The following DNER variants were observed in gnomAD, a reference collection of about 807,000 sequenced individuals.
DNER encodes delta and Notch-like epidermal growth factor-related receptor.
DNER carries 33 observed loss-of-function variants against 78.2 expected under a neutral mutation model. That is an observed-to-expected ratio of 0.42 (90% CI 0.32 to 0.56). DNER has a LOEUF of 0.56. Among genes scored for constraint, DNER ranks in the 20% least tolerant of loss-of-function variants. The pLI, the probability that DNER is intolerant of heterozygous loss-of-function variation, is 0.11. For synonymous variants in DNER, 417 were observed against 384.8 expected, an observed-to-expected ratio of 1.08 and a Z score of -0.98; for missense variants, 918 against 975.3, an observed-to-expected ratio of 0.94 and a Z score of 0.78.
intron 1 of DNER, among the ~76,000 whole-genome samples, chr2:229,599,246 G>C (rs1361225406): frequency 5.3e-5 from 8 of 152,172 alleles, no homozygotes; most frequent in Admixed American, 3.3e-4. Flanking sequence ...GTATTAAGAA[G>C]GAAGTAAAGT....
In DNER at chr2:229,447,286, G is replaced by A. The variant is rs764234403; in HGVS notation, c.1486+30C>T. ...GAGATTGGTTTGAGATTGAGAAAAGGAAGATGTACTGTGTAGGGGCGGTAC... is the reference window on the plus strand; with the variant it reads ...GAGATTGGTTTGAGATTGAGAAAAGAAAGATGTACTGTGTAGGGGCGGTAC... On this transcript the variant is annotated intron_variant, in intron 8 of 12. Transcript: ENST00000341772. 9.7e-6 allele frequency: 15 copies of A among 1,543,422 alleles called. No homozygotes were observed. The South Asian group carries it at 1.7e-4, about 17-fold the overall frequency.
At chr2:229,640,745 A>G (rs892878673) in intron 1 of DNER, among the ~76,000 whole-genome samples, 1 of 152,234 alleles carries the variant, frequency 6.6e-6, no homozygotes, top group Non-Finnish European at 1.5e-5. Flanking sequence ...ATTGCTGGAC[A>G]GTGTGCTGAG....
At chr2:229,373,959 A>G (rs1214873557) in intron 11 of DNER, among the ~76,000 whole-genome samples, 2 of 152,174 alleles carry the variant, frequency 1.3e-5, no homozygotes, top group African/African-American at 4.8e-5. Context: ...TGATCTTAGG[A>G]GTTCCAGACC....
At chr2:229,366,750 G>C in intron 12 of DNER, 123 bp downstream of exon 12, 1 of 1,437,950 alleles carries the variant, frequency 7.0e-7, no homozygotes, top group Non-Finnish European at 9.4e-7. Flanking sequence ...ATACAATGTG[G>C]AACCTATTTT....
intron 5 of DNER, among the ~76,000 whole-genome samples, chr2:229,522,798 G>A (rs1280253192): frequency 2.0e-5 from 3 of 152,232 alleles, no homozygotes; most frequent in Admixed American, 2.0e-4. Flanking sequence ...GGACGGAACA[G>A]AGGACAAAGC....
intron 1 of DNER, among the ~76,000 whole-genome samples, chr2:229,593,234 G>T (rs1292556663): frequency 1.3e-5 from 2 of 151,320 alleles, no homozygotes; most frequent in African/African-American, 4.9e-5. Flanking sequence ...TTTTGGTCAG[G>T]CCCCTTCCTC....
chr2:229,396,765 A>G (rs1186512322), intron 10 of DNER, among the ~76,000 whole-genome samples: 1 of 152,228 alleles, frequency 6.6e-6, no homozygotes, highest in East Asian at 1.9e-4. Context: ...GGCTGAACCA[A>G]CCTCAGATGT....
At chr2:229,673,421 C>T (rs1250391030) in intron 1 of DNER, among the ~76,000 whole-genome samples, 2 of 152,168 alleles carry the variant, frequency 1.3e-5, no homozygotes, top group East Asian at 3.8e-4. Context: ...TTGGACTTGC[C>T]CTCCTGGGGA....
intron 8 of DNER, among the ~76,000 whole-genome samples, chr2:229,432,626 G>A (rs1342777285): frequency 6.6e-6 from 1 of 152,092 alleles, no homozygotes; most frequent in African/African-American, 2.4e-5. Context: ...CATCACACTT[G>A]GGTCTCAGTG....
At chr2:229,374,261 G>GA (rs398081138) in intron 11 of DNER, among the ~76,000 whole-genome samples, 1 of 151,842 alleles carries the variant, frequency 6.6e-6, no homozygotes, top group Non-Finnish European at 1.5e-5. Flanking sequence ...AAGGAAGGGG[G>GA]GAAATGGTTA....
chr2:229,672,640 G>C (rs1699229961), intron 1 of DNER, among the ~76,000 whole-genome samples: 1 of 151,934 alleles, frequency 6.6e-6, no homozygotes, highest in African/African-American at 2.4e-5. Flanking sequence ...GAGAAAGATA[G>C]AGAAAGGACT....
At chr2:229,441,558 C>A (rs1174836288) in intron 8 of DNER, among the ~76,000 whole-genome samples, 1 of 152,088 alleles carries the variant, frequency 6.6e-6, no homozygotes, top group Non-Finnish European at 1.5e-5. Flanking sequence ...AAAGCAGGAG[C>A]AATTCTTATC....
chr2:229,702,778 G>A (rs866634291), intron 1 of DNER, among the ~76,000 whole-genome samples: 8 of 151,850 alleles, frequency 5.3e-5, no homozygotes, highest in Non-Finnish European at 7.4e-5. Context: ...TTAGCCGGGC[G>A]TGGTGGCGGG....
intron 1 of DNER, among the ~76,000 whole-genome samples, chr2:229,621,170 A>G (rs1454245494): frequency 1.4e-5 from 2 of 146,168 alleles, no homozygotes; most frequent in Non-Finnish European, 3.0e-5. Flanking sequence ...AAACAAAACA[A>G]AAGTGATAAA....
intron 11 of DNER, among the ~76,000 whole-genome samples, chr2:229,372,222 C>T (rs1268021625): frequency 6.6e-6 from 1 of 152,228 alleles, no homozygotes; most frequent in Non-Finnish European, 1.5e-5. Flanking sequence ...CTGAGGGATG[C>T]AGGGATCAGG....
chr2:229,611,657 A>T (rs1452364062), intron 1 of DNER, among the ~76,000 whole-genome samples: 1 of 152,172 alleles, frequency 6.6e-6, no homozygotes, highest in Admixed American at 6.5e-5. Context: ...TCCCCCAACC[A>T]CTCCAACCTT....
chr2:229,711,419 C>T (rs772186567), intron 1 of DNER, among the ~76,000 whole-genome samples: 11 of 152,158 alleles, frequency 7.2e-5, no homozygotes, highest in Non-Finnish European at 1.5e-4. Context: ...CAAACCCACA[C>T]GACCTACAAT....
At chr2:229,566,312 T>C in intron 4 of DNER, among the ~76,000 whole-genome samples, 1 of 152,200 alleles carries the variant, frequency 6.6e-6, no homozygotes, top group East Asian at 1.9e-4. Context: ...GTGGTCAAGG[T>C]CATATGAAAG....
At chr2:229,359,782 T>C (rs377554557) in intron 12 of DNER, among the ~76,000 whole-genome samples, 1 of 152,320 alleles carries the variant, frequency 6.6e-6, no homozygotes, top group South Asian at 2.1e-4. Flanking sequence ...GCGTTCTTCA[T>C]GTGATCTTTC....
Sources: allele counts gnomAD v4.1 joint callset (sites outside exome capture counted in the v4.1 genomes callset), GRCh38; gene constraint gnomAD v4.1.1; transcripts MANE v1.5; gene names NCBI Gene and HGNC (gene_info 2026-07-23, HGNC 2026-07-21).